The following FMN1 variants were observed in gnomAD, a reference collection of about 807,000 sequenced individuals.
The protein encoded by FMN1 is formin-1.
A neutral mutation model predicts 132.4 loss-of-function variants in FMN1; 110 were observed. The observed-to-expected ratio is 0.83, with a 90% CI of 0.71 to 0.97. The LOEUF (loss-of-function observed/expected upper bound fraction) is 0.97, where lower values mean the gene tolerates loss of function less well. FMN1 is among the 50% of genes least tolerant of loss of function. The probability of loss-of-function intolerance (pLI) is 0.00; values close to 1 mark genes in which losing one functional copy is unlikely to be tolerated. For missense variants in FMN1, 1,792 were observed against 1,705.3 expected (o/e 1.05, Z -0.90); for synonymous variants, 722 against 651.7 (o/e 1.11, Z -1.64).
chr15:33,115,667 G>C (rs1290088594), intron 4 of FMN1, among the ~76,000 whole-genome samples: 1 of 151,748 alleles, frequency 6.6e-6, no homozygotes, highest in African/African-American at 2.4e-5. Flanking sequence ...GTAATTGTCT[G>C]GAAATTCTTG....
At chr15:32,783,501 C>G (rs2056738596) in intron 19 of FMN1, among the ~76,000 whole-genome samples, 1 of 152,166 alleles carries the variant, frequency 6.6e-6, no homozygotes, top group Admixed American at 6.5e-5. Context: ...AATCCCAGCA[C>G]TTTGGGAGGC....
intron 17 of FMN1, among the ~76,000 whole-genome samples, chr15:32,855,368 G>A (rs2059108171): frequency 6.6e-6 from 1 of 151,926 alleles, no homozygotes; most frequent in South Asian, 2.1e-4. Flanking sequence ...TTACTTCCCT[G>A]TCATAAGATC....
At chr15:32,968,266 C>A (rs148458356) in intron 8 of FMN1, among the ~76,000 whole-genome samples, 72 of 152,208 alleles carry the variant, frequency 4.7e-4, no homozygotes, top group Non-Finnish European at 7.5e-4. Context: ...CTGAAGAACA[C>A]CCATTTCTGT....
chr15:32,774,345 GTCTT>G lies in FMN1; in HGVS notation c.4221_4224del (p.Glu1407AspfsTer9), dbSNP rs781125604. 8.1e-6 allele frequency: 13 copies of G among 1,596,574 alleles called. No homozygotes were observed. The highest frequency in any genetic ancestry group is 2.3e-5 in the South Asian group (2 of 87,388). Reference sequence around the variant, plus strand: ...GTCACACTGGCTTCCTTCTGACGCAGTCTTTCTTTCTGTTAAGGAAAAAAAAATG... The same window carrying G: ...GTCACACTGGCTTCCTTCTGACGCAGTCTTTCTGTTAAGGAAAAAAAAATG... On this transcript the variant is annotated frameshift_variant, in exon 21 of 21. Coordinates refer to ENST00000616417, the MANE Select transcript of FMN1 (RefSeq NM_001277313.2). LOFTEE classifies it high-confidence loss of function.
At chr15:33,035,435 A>G (rs1343014321) in intron 6 of FMN1, among the ~76,000 whole-genome samples, 1 of 152,206 alleles carries the variant, frequency 6.6e-6, no homozygotes, top group Non-Finnish European at 1.5e-5. Context: ...TCCCAGATAA[A>G]GAACATCTGG....
intron 4 of FMN1, chr15:33,151,136 A>G: frequency 7.0e-7 from 1 of 1,430,006 alleles, no homozygotes; most frequent in Non-Finnish European, 9.1e-7. Flanking sequence ...ATACAAATCA[A>G]AGGTACTATC....
intron 9 of FMN1, among the ~76,000 whole-genome samples, chr15:32,927,293 G>A (rs965352964): frequency 5.9e-5 from 9 of 152,144 alleles, no homozygotes; most frequent in Admixed American, 6.6e-5. Flanking sequence ...ATCCAGCGCC[G>A]TCACACAGGC....
rs2031571659 is a variant in FMN1, at chr15:32,969,331, G to A, written c.2370C>T (p.Ser790=). The change falls in exon 8 of 21, where the codon TCC becomes TCT. Residue 790 remains serine (S), a synonymous_variant. Coordinates refer to ENST00000616417, the MANE Select transcript of FMN1 (RefSeq NM_001277313.2). ...GCEERKDVCI[S]TDDDCPPKTF... is the part of the protein sequence containing the mutation. ...TCTTTGGAGGGCAGTCATCATCGGTGGAAATGCACACATCTTTCCTCTCTT... is the reference window on the plus strand; with the variant it reads ...TCTTTGGAGGGCAGTCATCATCGGTAGAAATGCACACATCTTTCCTCTCTT... The A allele has an allele frequency of 1.2e-6, 2 of 1,613,828 alleles. No individual in the cohort carries two copies. Among genetic ancestry groups the A allele is most frequent in the African/African-American group, 1.3e-5 (1 of 74,892 alleles).
At chr15:33,108,723 G>A (rs1303916734) in intron 4 of FMN1, among the ~76,000 whole-genome samples, 2 of 152,070 alleles carry the variant, frequency 1.3e-5, no homozygotes, top group South Asian at 2.1e-4. Context: ...TTCTCACCAA[G>A]AGGGATTTAA....
intron 5 of FMN1, among the ~76,000 whole-genome samples, chr15:33,069,690 G>A (rs1461171904): frequency 2.0e-5 from 3 of 152,060 alleles, no homozygotes; most frequent in Admixed American, 6.5e-5. Context: ...AAATAAAAAC[G>A]CATCATTGCA....
intron 8 of FMN1, among the ~76,000 whole-genome samples, chr15:32,965,921 T>G (rs2031176318): frequency 6.6e-6 from 1 of 152,136 alleles, no homozygotes; most frequent in South Asian, 2.1e-4. Flanking sequence ...GCTACTCACT[T>G]AACTTCAACT....
At chr15:32,980,705 A>G (rs540272629) in intron 7 of FMN1, among the ~76,000 whole-genome samples, 10 of 152,204 alleles carry the variant, frequency 6.6e-5, no homozygotes, top group Non-Finnish European at 1.3e-4. Flanking sequence ...AGGGAAAATT[A>G]TAACTGGTCT....
At position 33,069,991 on chromosome 15, in the gene FMN1, C is replaced by CTTTT. The variant is rs1566888327; in HGVS notation, c.2044-4918_2044-4917insAAAA. Among the ~76,000 whole-genome samples, 133 of 59,552 alleles carry CTTTT rather than the reference C, an allele frequency of 2.2e-3. 2 individuals carry two copies. Among genetic ancestry groups the CTTTT allele is most frequent in the Middle Eastern group, 9.8e-3 (1 of 102 alleles). 39.1% of individuals were successfully genotyped at this position (59,552 alleles called of 152,430 possible). ...ACAACAGATCATAAGATCAGTCTTT[C>CTTTT]TCTTTTTTTTTTTTTTTTTTTTTTT... On this transcript the variant is annotated intron_variant, in intron 5 of 20. Coordinates refer to ENST00000616417, the MANE Select transcript of FMN1 (RefSeq NM_001277313.2).
At position 33,001,546 on chromosome 15, in the gene FMN1, ATCCTCC is replaced by A. The variant is rs543920346; in HGVS notation, c.2223+6462_2223+6467del. 6.2e-4 allele frequency among the ~76,000 whole-genome samples: 73 copies of A among 117,656 alleles called. No homozygotes were observed. The East Asian group carries it at 0.019, about 31-fold the overall frequency. The allele number at this position is 117,656 out of a possible 152,430, so 77.2% of individuals were successfully genotyped here. ...GTTTTGTCCAAGTGCGTCCCCCCTC[ATCCTCC>A]TCCTCCTCCCACTTCCCCCCCCACC... On this transcript the variant is annotated intron_variant, in intron 7 of 20. Transcript: ENST00000616417.
At chr15:33,040,402 C>CT (rs1278405046) in intron 6 of FMN1, among the ~76,000 whole-genome samples, 1 of 152,156 alleles carries the variant, frequency 6.6e-6, no homozygotes, top group African/African-American at 2.4e-5. Flanking sequence ...CCTAACCCAC[C>CT]TTCACAGTGG....
intron 8 of FMN1, among the ~76,000 whole-genome samples, chr15:32,965,333 G>C (rs1292985593): frequency 6.6e-6 from 1 of 152,142 alleles, no homozygotes; most frequent in Non-Finnish European, 1.5e-5. Flanking sequence ...CCGGGAGGCA[G>C]AGGTTGCGAT....
chr15:32,812,558 T>C (rs1171874726), intron 17 of FMN1, among the ~76,000 whole-genome samples: 1 of 152,212 alleles, frequency 6.6e-6, no homozygotes, highest in African/African-American at 2.4e-5. Flanking sequence ...AAACTGTCTA[T>C]TGTGCTCCTG....
At chr15:32,913,629 C>CT (rs1164448528) in intron 10 of FMN1, among the ~76,000 whole-genome samples, 1 of 152,190 alleles carries the variant, frequency 6.6e-6, no homozygotes, top group African/African-American at 2.4e-5. Context: ...ATTAAGTCCT[C>CT]AATCTTTTCC....
chr15:32,895,482 CT>C (rs1178450009), intron 15 of FMN1, among the ~76,000 whole-genome samples: 1 of 152,044 alleles, frequency 6.6e-6, no homozygotes, highest in Admixed American at 6.5e-5. Flanking sequence ...CACATGGCAT[CT>C]TTATGTGAAT....
Sources: gnomAD v4.1 joint callset for allele counts (sites outside exome capture counted in the v4.1 genomes callset) on GRCh38, gnomAD v4.1.1 for gene constraint, MANE v1.5 for transcripts, NCBI Gene and HGNC (gene_info 2026-07-23, HGNC 2026-07-21) for gene names.